The following KANK1 variants were observed in gnomAD, a reference collection of about 807,000 sequenced individuals.
The protein encoded by KANK1 is KN motif and ankyrin repeat domains 1.
KANK1 carries 109 observed loss-of-function variants against 106.2 expected under a neutral mutation model. The observed-to-expected ratio is 1.03, with a 90% CI of 0.88 to 1.20. The LOEUF is 1.20. Ranked by LOEUF, KANK1 falls within the 50% of genes most tolerant of loss-of-function variation. The pLI, the probability that KANK1 is intolerant of heterozygous loss-of-function variation, is 0.00. For missense variants in KANK1, 2,399 were observed against 1,710.7 expected, an observed-to-expected ratio of 1.40 and a Z score of -7.10; for synonymous variants, 873 against 652.2, an observed-to-expected ratio of 1.34 and a Z score of -5.16.
At chr9:525,936 A>G (rs1046590152) in intron 1 of KANK1, among the ~76,000 whole-genome samples, 5 of 151,740 alleles carry the variant, frequency 3.3e-5, no homozygotes, top group African/African-American at 1.2e-4. Flanking sequence ...AATTTCTAAA[A>G]TAAAGGATCA....
intron 1 of KANK1, among the ~76,000 whole-genome samples, chr9:552,918 GAGGATAGCTTGAGCCC>G (rs911703046): frequency 6.6e-6 from 1 of 152,200 alleles, no homozygotes; most frequent in Non-Finnish European, 1.5e-5. Flanking sequence ...GCCAAGGCAA[GAGGATAGCTTGAGCCC>G]AGGAGTTTGA....
chr9:650,255 C>G (rs140992443), intron 1 of KANK1, among the ~76,000 whole-genome samples: 1 of 152,108 alleles, frequency 6.6e-6, no homozygotes, highest in Non-Finnish European at 1.5e-5. Flanking sequence ...GGATTGGCCT[C>G]TGTGCTTATT....
intron 2 of KANK1, among the ~76,000 whole-genome samples, chr9:471,289 A>G (rs1587163154): frequency 6.6e-6 from 1 of 152,244 alleles, no homozygotes; most frequent in South Asian, 2.1e-4. Context: ...GAGGGGCACT[A>G]TGTACTGGAG....
intron 1 of KANK1, among the ~76,000 whole-genome samples, chr9:585,001 C>A (rs1220355364): frequency 6.6e-6 from 1 of 152,148 alleles, no homozygotes; most frequent in Non-Finnish European, 1.5e-5. Context: ...TCATGAGTGA[C>A]CCCCTTCCTT....
chr9:606,809 A>G (rs1447585031), intron 1 of KANK1, among the ~76,000 whole-genome samples: 1 of 151,534 alleles, frequency 6.6e-6, no homozygotes. Flanking sequence ...CTCTCATCAA[A>G]TATATATGGA....
At chr9:658,331 C>T (rs565406099) in intron 1 of KANK1, among the ~76,000 whole-genome samples, 3 of 152,234 alleles carry the variant, frequency 2.0e-5, no homozygotes, top group Admixed American at 6.5e-5. Context: ...CCTACTATGA[C>T]CAACAGGACT....
chr9:490,886 T>C (rs1479477212), intron 3 of KANK1, among the ~76,000 whole-genome samples: 2 of 151,314 alleles, frequency 1.3e-5, no homozygotes, highest in East Asian at 1.9e-4. Context: ...TTAATTAGAA[T>C]ATAGATGGCA....
In KANK1 at chr9:706,568, C is replaced by CTTTT. The variant is rs71314729; in HGVS notation, c.38-4225_38-4222dup. 3.1e-3 allele frequency among the ~76,000 whole-genome samples: 423 copies of CTTTT among 138,034 alleles called. 5 individuals carry two copies. Among genetic ancestry groups the CTTTT allele is most frequent in the African/African-American group, 5.4e-3 (199 of 36,970 alleles). The allele number at this position is 138,034 out of a possible 152,430, so 90.6% of individuals were successfully genotyped here. The stretch of plus-strand genomic sequence containing the variant: ...CGTTCTTTAAATTATCTGTATGTGG[C>CTTTT]TTTTTTTTTTTTTTAATGTTTTACA... On this transcript the variant is annotated intron_variant, in intron 2 of 11. Transcript: ENST00000382297.
intron 2 of KANK1, among the ~76,000 whole-genome samples, chr9:710,488 C>T (rs1434356440): frequency 6.6e-6 from 1 of 151,854 alleles, no homozygotes; most frequent in Non-Finnish European, 1.5e-5. Flanking sequence ...CGTGGTGGTG[C>T]ACCCCTGTAA....
At chr9:526,033 A>G (rs72705678) in intron 1 of KANK1, among the ~76,000 whole-genome samples, 2,420 of 151,890 alleles carry the variant, frequency 0.016, 156 homozygotes, top group African/African-American at 0.055. Flanking sequence ...TGTGCATGCA[A>G]ACCCACATGT....
intron 1 of KANK1, among the ~76,000 whole-genome samples, chr9:654,187 G>A (rs1410291289): frequency 6.6e-6 from 1 of 152,206 alleles, no homozygotes; most frequent in Non-Finnish European, 1.5e-5. Flanking sequence ...AAGAGTCTCT[G>A]ATTCAGTAGC....
chr9:680,289 C>T (rs1466870229), intron 2 of KANK1, among the ~76,000 whole-genome samples: 1 of 152,120 alleles, frequency 6.6e-6, no homozygotes, highest in East Asian at 1.9e-4. Context: ...GCACAAAATA[C>T]ATCCGACGAC....
At chr9:586,312 G>T (rs573969882) in intron 1 of KANK1, among the ~76,000 whole-genome samples, 1 of 152,306 alleles carries the variant, frequency 6.6e-6, no homozygotes, top group Admixed American at 6.5e-5. Context: ...CCTATTCAAG[G>T]TTACAGGAAT....
intron 1 of KANK1, among the ~76,000 whole-genome samples, chr9:618,698 G>T (rs116829794): frequency 6.6e-6 from 1 of 152,010 alleles, no homozygotes; most frequent in Admixed American, 6.6e-5. Context: ...GAATGCCAGG[G>T]CTTGCTTTTT....
In KANK1 at chr9:731,180, A is replaced by C. The variant is rs1311911634; in HGVS notation, c.2919A>C (p.Thr973=). ...CAGCATGTACAAACAATGAAAGTACACTGAAGTCCATCATGAAGAAGAAAG... is the reference window on the plus strand; with the variant it reads ...CAGCATGTACAAACAATGAAAGTACCCTGAAGTCCATCATGAAGAAGAAAG... ...GLYACTNNES[T]LKSIMKKKDG... Residue 973 remains threonine (T), a synonymous_variant, in exon 5 of 12, where the codon ACA becomes ACC. Transcript: ENST00000382297. 6.2e-7 allele frequency: 1 copy of C among 1,609,626 alleles called. No homozygotes were observed. Among genetic ancestry groups the C allele is most frequent in the Admixed American group, 1.7e-5 (1 of 59,970 alleles).
At position 730,219 on chromosome 9, in the gene KANK1, C is replaced by G; in HGVS notation, c.2867C>G (p.Thr956Arg). Residue 956 changes from threonine (T) to arginine (R), a missense_variant, in exon 4 of 12, where the codon ACA becomes AGA. Physicochemically the swap from Thr to Arg is moderately conservative, Grantham distance 71 (BLOSUM62 -1). Coordinates refer to ENST00000382297, the MANE Select transcript of KANK1 (RefSeq NM_015158.5). Reference sequence around the variant, plus strand: ...GGTACGCTGTCTCCAGTGAACCTGACAGACGACCAGATCGCCGCTGGCCTC... The same window carrying G: ...GGTACGCTGTCTCCAGTGAACCTGAGAGACGACCAGATCGCCGCTGGCCTC... ...QEGTLSPVNL[T>R]DDQIAAGLYA... is the part of the protein sequence containing the mutation. 6.2e-7 allele frequency: 1 copy of G among 1,614,238 alleles called. No homozygotes were observed. The highest frequency in any genetic ancestry group is 8.5e-7 in the Non-Finnish European group (1 of 1,180,044).
At chr9:657,458 C>G (rs1423679534) in intron 1 of KANK1, among the ~76,000 whole-genome samples, 2 of 152,088 alleles carry the variant, frequency 1.3e-5, no homozygotes, top group Non-Finnish European at 2.9e-5. Context: ...ATACTGTTTT[C>G]TGTAGCAGCT....
intron 1 of KANK1, among the ~76,000 whole-genome samples, chr9:567,554 G>A (rs1587878508): frequency 6.6e-6 from 1 of 152,338 alleles, no homozygotes; most frequent in African/African-American, 2.4e-5. Context: ...TTTTGCAAAA[G>A]CAGTTTCACT....
At chr9:483,818 T>G (rs754185388) in intron 3 of KANK1, among the ~76,000 whole-genome samples, 9 of 152,184 alleles carry the variant, frequency 5.9e-5, no homozygotes, top group Non-Finnish European at 1.3e-4. Context: ...TTCAGAGATG[T>G]AAATGCAAAG....
Sources: gnomAD v4.1 joint callset for allele counts (sites outside exome capture counted in the v4.1 genomes callset) on GRCh38, gnomAD v4.1.1 for gene constraint, MANE v1.5 for transcripts, NCBI Gene and HGNC (gene_info 2026-07-23, HGNC 2026-07-21) for gene names.